The following ACSL1 variants were observed in gnomAD, a reference collection of about 807,000 sequenced individuals.
The protein encoded by ACSL1 is long-chain-fatty-acid--CoA ligase 1.
ACSL1 carries 41 observed loss-of-function variants against 98.4 expected under a neutral mutation model. That is an observed-to-expected ratio of 0.42 (90% CI 0.32 to 0.54). The LOEUF is 0.54. Ranked by LOEUF, ACSL1 falls within the 20% of genes least tolerant of loss-of-function variation. The probability of loss-of-function intolerance (pLI) is 0.13; values close to 1 mark genes in which losing one functional copy is unlikely to be tolerated. For missense variants in ACSL1, 734 were observed against 883.1 expected (o/e 0.83, Z 2.14); for synonymous variants, 316 against 322.7 (o/e 0.98, Z 0.22).
chr4:184,788,374 C>A, intron 3 of ACSL1: 1 of 612,802 alleles, frequency 1.6e-6, no homozygotes, highest in South Asian at 1.5e-5. Flanking sequence ...TAACATGTGA[C>A]TCACCATAAA....
chr4:184,804,372 G>C (rs527722769), intron 1 of ACSL1, among the ~76,000 whole-genome samples: 1 of 152,290 alleles, frequency 6.6e-6, no homozygotes, highest in East Asian at 1.9e-4. Context: ...CTGAGGTCAA[G>C]AGTTTGAGAT....
rs1355859503 is a variant in ACSL1, at chr4:184,825,825, G to C, written c.-33+91C>G. ...CCGCGGCGGCCGCTGCTCCGGGCTC[G>C]GCCCTGAAGGGCAACGTCAGCCGGC... is the stretch of plus-strand genomic sequence containing the variant. On this transcript the variant is annotated intron_variant, in intron 1 of 20. Transcript: ENST00000281455. This position sits in a 1 kb window ranked among gnomAD's most constrained non-coding sequence, Gnocchi z 4.7. 1 of 149,110 alleles carries C rather than the reference G, an allele frequency of 6.7e-6. No homozygotes were observed. The highest frequency in any genetic ancestry group is 2.4e-5 in the African/African-American group (1 of 41,126). The allele number at this position is 149,110 out of a possible 1,614,324, so 9.2% of individuals were successfully genotyped here.
At chr4:184,808,557 C>T (rs375802767) in intron 1 of ACSL1, 1 of 954,432 alleles carries the variant, frequency 1.0e-6, no homozygotes, top group Non-Finnish European at 1.2e-6. Flanking sequence ...GCCTCCTCCC[C>T]TTGTACAATA....
intron 1 of ACSL1, among the ~76,000 whole-genome samples, chr4:184,824,505 G>A (rs989644151): frequency 3.3e-5 from 5 of 152,136 alleles, no homozygotes; most frequent in Admixed American, 2.6e-4. Flanking sequence ...AAGGGGAGAG[G>A]TATAAGGTGT....
chr4:184,812,173 T>C (rs1772186618), intron 1 of ACSL1: 1 of 984,884 alleles, frequency 1.0e-6, no homozygotes, highest in Non-Finnish European at 1.2e-6. Context: ...GAATGGTACT[T>C]AGTACCTATG....
chr4:184,780,286 T>C, intron 5 of ACSL1, 46 bp downstream of exon 5: 2 of 1,511,830 alleles, frequency 1.3e-6, no homozygotes, highest in East Asian at 2.3e-5. Context: ...CTCTTATATC[T>C]GAGAATTCTC....
At chr4:184,765,289 C>T (rs746710795) in intron 14 of ACSL1, among the ~76,000 whole-genome samples, 8 of 152,288 alleles carry the variant, frequency 5.3e-5, no homozygotes, top group East Asian at 1.9e-4. Context: ...GCATGGTGTG[C>T]GGGTAGGCTC....
intron 5 of ACSL1, among the ~76,000 whole-genome samples, chr4:184,779,468 A>G (rs1765865923): frequency 6.6e-6 from 1 of 152,192 alleles, no homozygotes; most frequent in Non-Finnish European, 1.5e-5. Context: ...CAGCATGAAA[A>G]TGGACTAACA....
chr4:184,803,838 T>C lies in ACSL1; in HGVS notation c.-32-292A>G, dbSNP rs568158773. 6.6e-6 allele frequency among the ~76,000 whole-genome samples: 1 copy of C among 152,352 alleles called. No individual in the cohort carries two copies. Among genetic ancestry groups the C allele is most frequent in the African/African-American group, 2.4e-5 (1 of 41,582 alleles). Reference sequence around the variant, plus strand: ...TTTTACTCAAGAAGAATTCTTCCCATAAAAACTCAAATAAGTAGATTTAAG... The same window carrying C: ...TTTTACTCAAGAAGAATTCTTCCCACAAAAACTCAAATAAGTAGATTTAAG... On this transcript the variant is annotated intron_variant, in intron 1 of 20. Transcript: ENST00000281455. The surrounding 1 kb of genome is among the most constrained non-coding windows in gnomAD (Gnocchi z 4.8).
intron 5 of ACSL1, among the ~76,000 whole-genome samples, chr4:184,778,045 T>C (rs1561198283): frequency 6.6e-6 from 1 of 152,140 alleles, no homozygotes; most frequent in East Asian, 1.9e-4. Flanking sequence ...AAAATCCCTC[T>C]AGAAAAGTGC....
intron 5 of ACSL1, among the ~76,000 whole-genome samples, chr4:184,779,270 A>G (rs1356061816): frequency 6.6e-6 from 1 of 152,162 alleles, no homozygotes; most frequent in African/African-American, 2.4e-5. Flanking sequence ...TTGTGATAGT[A>G]AGTTTCATGA....
chr4:184,812,805 A>AGCCCAGAGCCCCATACCAGGGCT (rs1561246039), intron 1 of ACSL1, among the ~76,000 whole-genome samples: 2 of 152,304 alleles, frequency 1.3e-5, no homozygotes, highest in Admixed American at 1.3e-4. Context: ...GAAAGGCTTG[A>AGCCCAGAGCCCCATACCAGGGCT]GCCCAGAGCC....
intron 1 of ACSL1, among the ~76,000 whole-genome samples, chr4:184,816,812 A>G (rs977074211): frequency 1.3e-4 from 20 of 152,242 alleles, no homozygotes; most frequent in African/African-American, 4.8e-4. Flanking sequence ...TGGGGGTATC[A>G]TGTGCAGGAC....
rs552667104 is a variant in ACSL1 at position 184,802,972 on chromosome 4, C to A, written c.195+348G>T. ...ATTTGTTTGAAAACTCTCATTCCTGCCAGAATCTAATCCCTGTGAGAACAG... is the reference window on the plus strand; with the variant it reads ...ATTTGTTTGAAAACTCTCATTCCTGACAGAATCTAATCCCTGTGAGAACAG... On this transcript the variant is annotated intron_variant, in intron 2 of 20. Coordinates refer to ENST00000281455, the MANE Select transcript of ACSL1 (RefSeq NM_001995.5). Among the ~76,000 whole-genome samples, 8 of 152,250 alleles carry A rather than the reference C, an allele frequency of 5.3e-5. No homozygotes were observed. In the East Asian group the frequency reaches 1.5e-3, roughly 29 times the overall value.
chr4:184,779,902 C>T (rs1458361249), intron 5 of ACSL1, among the ~76,000 whole-genome samples: 4 of 144,476 alleles, frequency 2.8e-5, no homozygotes, highest in African/African-American at 5.1e-5. Flanking sequence ...GACGGAGTTT[C>T]GCTCTTGTTG....
At position 184,803,311 on chromosome 4, in the gene ACSL1, T is replaced by C. The variant is rs758357658; in HGVS notation, c.195+9A>G. ...AAAACGCACGAGGCAGGCTGGGCCC[T>C]CCACTCACCGCCACTTCCACTGACT... On this transcript the variant is annotated intron_variant, in intron 2 of 20. Coordinates refer to ENST00000281455, the MANE Select transcript of ACSL1 (RefSeq NM_001995.5). This position sits in a 1 kb window ranked among gnomAD's most constrained non-coding sequence, Gnocchi z 4.8. 1.4e-4 allele frequency: 215 copies of C among 1,560,730 alleles called. No individual in the cohort carries two copies. The highest frequency in any genetic ancestry group is 1.8e-4 in the Non-Finnish European group (212 of 1,150,202).
In ACSL1 at chr4:184,803,261, T is replaced by C. The variant is rs1465878807; in HGVS notation, c.195+59A>G. On this transcript the variant is annotated intron_variant, in intron 2 of 20. Coordinates refer to ENST00000281455, the MANE Select transcript of ACSL1 (RefSeq NM_001995.5). This position sits in a 1 kb window ranked among gnomAD's most constrained non-coding sequence, Gnocchi z 4.8. ...TGATGGCTATCACATTCAACAGGGC[T>C]CAGCTCATCTGGGGAAATGCGGAGA... The C allele has an allele frequency of 7.1e-7, 1 of 1,404,308 alleles. No individual in the cohort carries two copies. The highest frequency in any genetic ancestry group is 9.5e-7 in the Non-Finnish European group (1 of 1,049,130). The allele number at this position is 1,404,308 out of a possible 1,614,324, so 87.0% of individuals were successfully genotyped here.
chr4:184,808,269 C>A, intron 1 of ACSL1: 8 of 973,532 alleles, frequency 8.2e-6, no homozygotes, highest in Non-Finnish European at 8.5e-6. Context: ...ACTGCCCCTG[C>A]AACTCTGCAA....
intron 2 of ACSL1, among the ~76,000 whole-genome samples, chr4:184,790,205 T>G (rs1445689784): frequency 6.6e-6 from 1 of 152,208 alleles, no homozygotes; most frequent in Non-Finnish European, 1.5e-5. Flanking sequence ...CCATGGACTC[T>G]TCTATTTTTA....
Sources: gnomAD v4.1 joint callset for allele counts (sites outside exome capture counted in the v4.1 genomes callset) on GRCh38, gnomAD v4.1.1 for gene constraint, Gnocchi (gnomAD v3.1) non-coding constraint, MANE v1.5 for transcripts, NCBI Gene and HGNC (gene_info 2026-07-23, HGNC 2026-07-21) for gene names.